The following PCSK6 variants were observed in gnomAD, a reference collection of about 807,000 sequenced individuals.
PCSK6 encodes proprotein convertase subtilisin/kexin type 6.
Under a neutral mutation model 123.3 loss-of-function variants are expected in PCSK6, and 85 were observed. The observed-to-expected ratio is 0.69, with a 90% CI of 0.58 to 0.83. The LOEUF is 0.83. Ranked by LOEUF, PCSK6 falls within the 40% of genes least tolerant of loss-of-function variation. The pLI, the probability that PCSK6 is intolerant of heterozygous loss-of-function variation, is 0.00. For synonymous variants in PCSK6, 508 were observed against 516.0 expected, an observed-to-expected ratio of 0.98 and a Z score of 0.21; for missense variants, 1,191 against 1,282.3, an observed-to-expected ratio of 0.93 and a Z score of 1.09.
chr15:101,481,607 G>A (rs2141266190), intron 1 of PCSK6, among the ~76,000 whole-genome samples: 1 of 152,244 alleles, frequency 6.6e-6, no homozygotes, highest in Non-Finnish European at 1.5e-5. Flanking sequence ...CGGTGGCAGG[G>A]GCAATGCAGG....
chr15:101,457,125 T>A (rs972261786), intron 1 of PCSK6, among the ~76,000 whole-genome samples: 10 of 152,060 alleles, frequency 6.6e-5, no homozygotes, highest in African/African-American at 2.4e-4. Flanking sequence ...TGAGCCAAGA[T>A]CGTGCCACCG....
At chr15:101,308,033 GGCTGA>G (rs1168246098) in intron 20 of PCSK6, 1 of 152,344 alleles carries the variant, frequency 6.6e-6, no homozygotes, top group Non-Finnish European at 1.5e-5. Flanking sequence ...GTGTAGCAGT[GGCTGA>G]GCTGAGTAGC....
intron 1 of PCSK6, among the ~76,000 whole-genome samples, chr15:101,467,746 G>A (rs953767967): frequency 6.6e-6 from 1 of 152,264 alleles, no homozygotes; most frequent in East Asian, 1.9e-4. Flanking sequence ...TGTTAAACTG[G>A]GGGGAGAAAA....
At chr15:101,429,937 C>T (rs765506407) in intron 5 of PCSK6, 50 bp downstream of exon 5, 17 of 1,442,444 alleles carry the variant, frequency 1.2e-5, no homozygotes, top group East Asian at 1.1e-4. Flanking sequence ...TCAATAGTGA[C>T]GCTGCAGGGA....
chr15:101,318,446 T>G (rs1596175256), intron 18 of PCSK6, 24 bp from the exon 19 acceptor site: 1 of 1,531,760 alleles, frequency 6.5e-7, no homozygotes, highest in Non-Finnish European at 8.9e-7. Context: ...AGAGGCAGAT[T>G]TCCACATCCA....
At chr15:101,403,238 A>G (rs1232654987) in intron 6 of PCSK6, among the ~76,000 whole-genome samples, 1 of 127,598 alleles carries the variant, frequency 7.8e-6, no homozygotes, top group East Asian at 2.4e-4. Flanking sequence ...ACATGGACAC[A>G]GGAAGGGGAA....
chr15:101,403,113 C>G (rs76974280), intron 6 of PCSK6, among the ~76,000 whole-genome samples: 2 of 151,886 alleles, frequency 1.3e-5, no homozygotes, highest in Non-Finnish European at 2.9e-5. Flanking sequence ...GAGTTCATGT[C>G]CTTTGTAGGG....
intron 1 of PCSK6, among the ~76,000 whole-genome samples, chr15:101,489,159 T>C (rs1231460785): frequency 2.5e-3 from 80 of 32,574 alleles, no homozygotes; most frequent in African/African-American, 7.8e-3. Context: ...GGGACCCCAG[T>C]CCCCCCCACC....
chr15:101,383,891 G>T (rs1442459767), intron 10 of PCSK6, among the ~76,000 whole-genome samples: 1 of 152,038 alleles, frequency 6.6e-6, no homozygotes, highest in Non-Finnish European at 1.5e-5. Context: ...TCAAAAAAAA[G>T]TAGTGGGGGA....
At chr15:101,419,935 C>T (rs985735694) in intron 6 of PCSK6, among the ~76,000 whole-genome samples, 1 of 151,968 alleles carries the variant, frequency 6.6e-6, no homozygotes, top group African/African-American at 2.4e-5. Flanking sequence ...ACCTGTAATC[C>T]CAGTACTTTG....
At chr15:101,313,081 A>G in intron 20 of PCSK6, 2 of 1,334,096 alleles carry the variant, frequency 1.5e-6, no homozygotes, top group African/African-American at 1.5e-5. Context: ...TGAGCGCGAC[A>G]TGGGCAGGGA....
intron 9 of PCSK6, among the ~76,000 whole-genome samples, chr15:101,388,239 A>C (rs1392572180): frequency 6.6e-6 from 1 of 152,268 alleles, no homozygotes; most frequent in Non-Finnish European, 1.5e-5. Flanking sequence ...AATCAAAAAT[A>C]TCAAACTGTT....
chr15:101,312,558 T>G (rs2073593), intron 20 of PCSK6, among the ~76,000 whole-genome samples: 23,635 of 152,180 alleles, frequency 0.16, 2,595 homozygotes, highest in African/African-American at 0.31. Context: ...AGGCCAGGTG[T>G]GGTGGCTCAC....
At chr15:101,347,563 G>A (rs1048300431) in intron 13 of PCSK6, 1 of 1,415,148 alleles carries the variant, frequency 7.1e-7, no homozygotes. Context: ...GCACGCACAC[G>A]CATTCATGCA....
chr15:101,318,710 C>T (rs1328848986), intron 18 of PCSK6, among the ~76,000 whole-genome samples: 2 of 152,238 alleles, frequency 1.3e-5, no homozygotes, highest in Admixed American at 6.5e-5. Flanking sequence ...TTCTCCAACT[C>T]GAATCCAAAC....
At chr15:101,423,598 AAAGG>A (rs1216117786) in intron 6 of PCSK6, among the ~76,000 whole-genome samples, 1 of 152,180 alleles carries the variant, frequency 6.6e-6, no homozygotes, top group Non-Finnish European at 1.5e-5. Context: ...GAACACAACA[AAAGG>A]AAGGATTAGT....
chr15:101,403,107 T>A lies in PCSK6; in HGVS notation c.824-4531A>T, dbSNP rs557614058. On this transcript the variant is annotated intron_variant, in intron 6 of 21. Coordinates refer to ENST00000611716, the MANE Select transcript of PCSK6 (RefSeq NM_002570.5). ...TATGCAGCCATAAAAAATGATGAGT[T>A]CATGTCCTTTGTAGGGACATGGATG... is the stretch of plus-strand genomic sequence containing the variant. 4.6e-5 allele frequency among the ~76,000 whole-genome samples: 7 copies of A among 152,112 alleles called. No homozygotes were observed. The East Asian group carries it at 7.8e-4, about 17-fold the overall frequency.
chr15:101,432,807 T>A (rs1231943133), intron 2 of PCSK6, among the ~76,000 whole-genome samples: 1 of 152,170 alleles, frequency 6.6e-6, no homozygotes, highest in African/African-American at 2.4e-5. Flanking sequence ...AGTGTTTGGT[T>A]AACTGGTATT....
intron 12 of PCSK6, among the ~76,000 whole-genome samples, chr15:101,366,933 A>C (rs1567168559): frequency 6.6e-6 from 1 of 152,226 alleles, no homozygotes; most frequent in Non-Finnish European, 1.5e-5. Flanking sequence ...TTGTGGGGAA[A>C]GTTCTGTCCC....
Sources: gnomAD v4.1 joint callset for allele counts (sites outside exome capture counted in the v4.1 genomes callset) on GRCh38, gnomAD v4.1.1 for gene constraint, MANE v1.5 for transcripts, NCBI Gene and HGNC (gene_info 2026-07-23, HGNC 2026-07-21) for gene names.